The following FSTL5 variants were observed in gnomAD, a reference collection of about 807,000 sequenced individuals.
FSTL5 encodes the protein follistatin like 5.
In FSTL5, 62 loss-of-function variants were observed where a neutral mutation model predicts 89.1. The ratio of observed to expected loss-of-function variants is 0.70; its 90% CI spans 0.57 to 0.86. FSTL5 has a LOEUF of 0.86. Among genes scored for constraint, FSTL5 ranks in the 40% least tolerant of loss-of-function variants. FSTL5 has a pLI of 0.00. For synonymous variants in FSTL5, 383 were observed against 346.2 expected, an observed-to-expected ratio of 1.11 and a Z score of -1.18; for missense variants, 1,057 against 1,001.6, an observed-to-expected ratio of 1.06 and a Z score of -0.75.
rs138714172 is a variant in FSTL5 at position 161,616,853 on chromosome 4, A to T, written c.895-29278T>A. On this transcript the variant is annotated intron_variant, in intron 7 of 15. Coordinates refer to ENST00000306100, the MANE Select transcript of FSTL5 (RefSeq NM_020116.5). ...GCATATCCTGCACAGGTACCCTGGA[A>T]CTTAACATTAAATAAAATAAAAAAA... is the stretch of plus-strand genomic sequence containing the variant. Among the ~76,000 whole-genome samples the T allele has an allele frequency of 2.0e-5, 3 of 151,648 alleles. No individual in the cohort carries two copies. In the East Asian group the frequency reaches 5.8e-4, roughly 29 times the overall value.
At chr4:162,039,834 G>A (rs1182812601) in intron 2 of FSTL5, among the ~76,000 whole-genome samples, 2 of 151,930 alleles carry the variant, frequency 1.3e-5, no homozygotes, top group Non-Finnish European at 2.9e-5. Flanking sequence ...ATATGTTCTA[G>A]CTAAAGTAAT....
intron 12 of FSTL5, among the ~76,000 whole-genome samples, chr4:161,498,851 C>A (rs1393228572): frequency 6.6e-6 from 1 of 151,946 alleles, no homozygotes; most frequent in Non-Finnish European, 1.5e-5. Context: ...TACATATATG[C>A]ACATAAACAC....
chr4:161,992,937 T>TAC (rs1392504246), intron 3 of FSTL5, among the ~76,000 whole-genome samples: 1 of 14,284 alleles, frequency 7.0e-5, no homozygotes, highest in African/African-American at 1.2e-4. Context: ...TGTGTATATA[T>TAC]ATATGTGTGT....
At chr4:161,595,065 C>A (rs981360176) in intron 7 of FSTL5, among the ~76,000 whole-genome samples, 2 of 151,836 alleles carry the variant, frequency 1.3e-5, no homozygotes, top group Non-Finnish European at 2.9e-5. Flanking sequence ...TTATATAATT[C>A]TTAACACATT....
intron 4 of FSTL5, among the ~76,000 whole-genome samples, chr4:161,849,762 G>A (rs1731493563): frequency 6.6e-6 from 1 of 152,012 alleles, no homozygotes. Flanking sequence ...AAAATATGAA[G>A]TCCTAATGTC....
At chr4:161,834,799 A>C (rs1278561626) in intron 4 of FSTL5, among the ~76,000 whole-genome samples, 1 of 152,142 alleles carries the variant, frequency 6.6e-6, no homozygotes, top group African/African-American at 2.4e-5. Context: ...AGGAAATACA[A>C]GAGGATACAA....
At chr4:161,496,881 G>C (rs1342562526) in intron 12 of FSTL5, among the ~76,000 whole-genome samples, 1 of 151,860 alleles carries the variant, frequency 6.6e-6, no homozygotes, top group Admixed American at 6.6e-5. Context: ...CAGAGGTAGT[G>C]GTAGCAGTAG....
intron 3 of FSTL5, among the ~76,000 whole-genome samples, chr4:161,969,847 A>G (rs968388728): frequency 2.6e-5 from 4 of 152,152 alleles, no homozygotes; most frequent in Non-Finnish European, 1.5e-5. Flanking sequence ...GAAATGAGGG[A>G]TGATAATAAT....
chr4:161,914,072 C>T (rs1560913531), intron 4 of FSTL5, among the ~76,000 whole-genome samples: 1 of 152,066 alleles, frequency 6.6e-6, no homozygotes, highest in Non-Finnish European at 1.5e-5. Context: ...TTAGCTGTGT[C>T]CCCACCCAAA....
chr4:162,047,325 C>T (rs1025102688), intron 2 of FSTL5: 1 of 152,032 alleles, frequency 6.6e-6, no homozygotes, highest in East Asian at 1.9e-4. Context: ...ATCATTCTTA[C>T]TATGTAGCAT....
At chr4:161,682,516 T>G (rs143591159) in intron 6 of FSTL5, among the ~76,000 whole-genome samples, 350 of 152,280 alleles carry the variant, frequency 2.3e-3, no homozygotes, top group African/African-American at 8.0e-3. Flanking sequence ...TTATTATCAT[T>G]TTTAAAATTC....
At chr4:161,847,765 G>A (rs771078320) in intron 4 of FSTL5, among the ~76,000 whole-genome samples, 2 of 151,822 alleles carry the variant, frequency 1.3e-5, no homozygotes, top group African/African-American at 2.4e-5. Flanking sequence ...TGCCAGGTGC[G>A]GTGGCACACT....
intron 9 of FSTL5, among the ~76,000 whole-genome samples, chr4:161,540,080 T>A (rs1034570085): frequency 6.6e-6 from 1 of 152,128 alleles, no homozygotes; most frequent in Non-Finnish European, 1.5e-5. Context: ...TCTAGCATTC[T>A]TAGATGTTAC....
intron 15 of FSTL5, chr4:161,387,136 G>A (rs1730675638): frequency 6.6e-6 from 1 of 152,008 alleles, no homozygotes; most frequent in Non-Finnish European, 1.5e-5. Context: ...AATTATCAGA[G>A]ATACCTGTGG....
intron 3 of FSTL5, among the ~76,000 whole-genome samples, chr4:161,949,714 T>G (rs1196084326): frequency 6.6e-6 from 1 of 151,838 alleles, no homozygotes; most frequent in Non-Finnish European, 1.5e-5. Context: ...AGTATTTAAT[T>G]TCAGGGATTC....
At chr4:162,087,354 A>C (rs1010948130) in intron 2 of FSTL5, among the ~76,000 whole-genome samples, 4 of 152,134 alleles carry the variant, frequency 2.6e-5, no homozygotes, top group African/African-American at 9.6e-5. Context: ...ACTGTAAAGC[A>C]CAGAAAACTT....
intron 2 of FSTL5, among the ~76,000 whole-genome samples, chr4:162,056,504 T>C (rs530130680): frequency 6.6e-6 from 1 of 152,244 alleles, no homozygotes; most frequent in African/African-American, 2.4e-5. Context: ...CATTCTGTCC[T>C]TTATATGATG....
chr4:161,432,726 CAG>C (rs760378555), intron 15 of FSTL5, among the ~76,000 whole-genome samples: 2 of 151,560 alleles, frequency 1.3e-5, no homozygotes, highest in Non-Finnish European at 3.0e-5. Context: ...TAAATACAAT[CAG>C]AGATTTAAAA....
At chr4:161,543,977 T>A (rs906792005) in intron 8 of FSTL5, among the ~76,000 whole-genome samples, 4 of 151,804 alleles carry the variant, frequency 2.6e-5, no homozygotes, top group African/African-American at 9.7e-5. Context: ...GGAAAAGATA[T>A]TTGAAAATTC....
Sources: gnomAD v4.1 joint callset for allele counts (sites outside exome capture counted in the v4.1 genomes callset) on GRCh38, gnomAD v4.1.1 for gene constraint, MANE v1.5 for transcripts, NCBI Gene and HGNC (gene_info 2026-07-23, HGNC 2026-07-21) for gene names.